The following GPM6A variants were observed in gnomAD, a reference collection of about 807,000 sequenced individuals.
GPM6A encodes the protein neuronal membrane glycoprotein M6-a.
GPM6A carries 7 observed loss-of-function variants against 32.1 expected under a neutral mutation model. The ratio of observed to expected loss-of-function variants is 0.22; its 90% CI spans 0.12 to 0.41. The LOEUF (loss-of-function observed/expected upper bound fraction) is 0.41. Ranked by LOEUF, GPM6A falls within the 10% of genes least tolerant of loss-of-function variation. GPM6A has a pLI of 1.00. For missense variants in GPM6A, 235 were observed against 347.2 expected (o/e 0.68, Z 2.57); for synonymous variants, 130 against 123.4 (o/e 1.05, Z -0.35).
At chr4:175,964,675 C>T (rs940693621) in intron 1 of GPM6A, among the ~76,000 whole-genome samples, 2 of 152,164 alleles carry the variant, frequency 1.3e-5, no homozygotes. Context: ...ACCTTAATTA[C>T]ATCCTTAAAG....
intron 1 of GPM6A, among the ~76,000 whole-genome samples, chr4:175,968,670 T>C: frequency 6.6e-6 from 1 of 152,200 alleles, no homozygotes; most frequent in Non-Finnish European, 1.5e-5. Flanking sequence ...GATTATCATA[T>C]GAAAAAATAC....
intron 1 of GPM6A, among the ~76,000 whole-genome samples, chr4:175,984,890 C>T (rs1740927930): frequency 6.6e-6 from 1 of 152,084 alleles, no homozygotes; most frequent in Non-Finnish European, 1.5e-5. Flanking sequence ...ATTAGTAATT[C>T]CTCCCCTATT....
chr4:175,636,373 A>G (rs1740612891), intron 6 of GPM6A, among the ~76,000 whole-genome samples: 1 of 149,466 alleles, frequency 6.7e-6, no homozygotes, highest in Non-Finnish European at 1.5e-5. Flanking sequence ...TAAAATATCA[A>G]GTGCTGTGGA....
rs74755517 is a variant in GPM6A, at chr4:175,657,041, A to G, written c.388-5054T>C. ...TATTCTATCAGATTGAACTCAGGTCATTGTTTCTCACTGTTTCAAGGCACA... is the reference window on the plus strand; with the variant it reads ...TATTCTATCAGATTGAACTCAGGTCGTTGTTTCTCACTGTTTCAAGGCACA... On this transcript the variant is annotated intron_variant, in intron 3 of 6. Coordinates refer to ENST00000393658, the MANE Select transcript of GPM6A (RefSeq NM_201591.3). Among the ~76,000 whole-genome samples the G allele has an allele frequency of 2.5e-3, 375 of 152,296 alleles. 2 individuals are homozygous for G. Among genetic ancestry groups the G allele is most frequent in the Non-Finnish European group, 4.4e-3 (297 of 68,006 alleles).
chr4:175,767,671 A>T (rs933063652), intron 1 of GPM6A, among the ~76,000 whole-genome samples: 1 of 152,236 alleles, frequency 6.6e-6, no homozygotes, highest in African/African-American at 2.4e-5. Flanking sequence ...GCCATTGGGC[A>T]GTAATGCATT....
At chr4:175,644,997 G>A (rs986591597) in intron 4 of GPM6A, among the ~76,000 whole-genome samples, 17 of 152,090 alleles carry the variant, frequency 1.1e-4, no homozygotes, top group African/African-American at 4.1e-4. Flanking sequence ...CTACTTGGGA[G>A]GCTAAGGCAG....
intron 6 of GPM6A, among the ~76,000 whole-genome samples, chr4:175,637,239 A>T (rs1448203934): frequency 1.7e-4 from 6 of 36,060 alleles, no homozygotes; most frequent in African/African-American, 3.8e-4. Context: ...AATATATATT[A>T]TATATTATAT....
rs181173910 is a variant in GPM6A at position 175,723,841 on chromosome 4, T to C, written c.38-22074A>G. Among the ~76,000 whole-genome samples, 104 of 152,288 alleles carry C rather than the reference T, an allele frequency of 6.8e-4. 4 individuals carry two copies. The East Asian group carries it at 0.013, about 19-fold the overall frequency. Reference sequence around the variant, plus strand: ...ATTAACCCCATAACTGTTAGGACTCTCATATTTTAAAAATTTTATTAAAAA... The same window carrying C: ...ATTAACCCCATAACTGTTAGGACTCCCATATTTTAAAAATTTTATTAAAAA... On this transcript the variant is annotated intron_variant, in intron 1 of 6. Transcript: ENST00000393658.
intron 3 of GPM6A, among the ~76,000 whole-genome samples, chr4:175,670,539 T>C (rs937411820): frequency 6.6e-6 from 1 of 152,232 alleles, no homozygotes; most frequent in Non-Finnish European, 1.5e-5. Context: ...ATAACATGTA[T>C]TTGTACTCAA....
chr4:175,711,714 T>A, intron 1 of GPM6A, among the ~76,000 whole-genome samples: 1 of 116,338 alleles, frequency 8.6e-6, no homozygotes, highest in African/African-American at 3.3e-5. Flanking sequence ...TCTCGCTAGT[T>A]TGGGTGGGGG....
At chr4:175,748,467 C>G (rs1395501188) in intron 1 of GPM6A, among the ~76,000 whole-genome samples, 1 of 152,144 alleles carries the variant, frequency 6.6e-6, no homozygotes, top group Non-Finnish European at 1.5e-5. Context: ...TCAGAGCACT[C>G]GGGTGACAAA....
At chr4:175,715,105 C>G (rs1380641736) in intron 1 of GPM6A, among the ~76,000 whole-genome samples, 1 of 151,904 alleles carries the variant, frequency 6.6e-6, no homozygotes, top group Non-Finnish European at 1.5e-5. Context: ...CCCTCATTTT[C>G]TCTGTAATAA....
intron 1 of GPM6A, among the ~76,000 whole-genome samples, chr4:175,721,750 G>A (rs1015910245): frequency 6.6e-6 from 1 of 152,044 alleles, no homozygotes; most frequent in Non-Finnish European, 1.5e-5. Context: ...TAGATAATAG[G>A]TATTCACAAG....
chr4:175,884,334 T>C (rs72704505), intron 1 of GPM6A, among the ~76,000 whole-genome samples: 27,838 of 152,188 alleles, frequency 0.18, 3,283 homozygotes, highest in Non-Finnish European at 0.26. Context: ...CATTTACACA[T>C]ATATTCTGAA....
At chr4:175,654,772 A>G (rs914245760) in intron 3 of GPM6A, among the ~76,000 whole-genome samples, 1 of 152,254 alleles carries the variant, frequency 6.6e-6, no homozygotes, top group Admixed American at 6.5e-5. Flanking sequence ...CATTATTTGC[A>G]ATTGTAGATC....
intron 1 of GPM6A, among the ~76,000 whole-genome samples, chr4:175,804,067 CAG>C (rs548253938): frequency 2.4e-4 from 37 of 151,984 alleles, no homozygotes; most frequent in Middle Eastern, 6.8e-3. Context: ...CTATTTAAAA[CAG>C]AGATTCTCAA....
intron 4 of GPM6A, among the ~76,000 whole-genome samples, chr4:175,650,515 C>T (rs190778882): frequency 3.3e-5 from 5 of 152,070 alleles, no homozygotes; most frequent in South Asian, 2.1e-4. Flanking sequence ...ATGTTGGCCA[C>T]GCTGGTCTCG....
intron 1 of GPM6A, among the ~76,000 whole-genome samples, chr4:175,854,757 G>C (rs1736365969): frequency 6.6e-6 from 1 of 152,224 alleles, no homozygotes; most frequent in Admixed American, 6.5e-5. Flanking sequence ...CGAGGGAATA[G>C]AGCTGCACAA....
intron 1 of GPM6A, among the ~76,000 whole-genome samples, chr4:175,745,777 T>C (rs944455039): frequency 1.3e-5 from 2 of 152,136 alleles, no homozygotes; most frequent in African/African-American, 2.4e-5. Flanking sequence ...ATTACCAAGG[T>C]GTACGTTGCG....
Sources: allele counts gnomAD v4.1 joint callset (sites outside exome capture counted in the v4.1 genomes callset), GRCh38; gene constraint gnomAD v4.1.1; transcripts MANE v1.5; gene names NCBI Gene and HGNC (gene_info 2026-07-23, HGNC 2026-07-21).